Variants in FAM153A observed in about 807,000 individuals in gnomAD.
The protein encoded by FAM153A is family with sequence similarity 153 member A.
A neutral mutation model predicts 48.1 loss-of-function variants in FAM153A; 12 were observed. The ratio of observed to expected loss-of-function variants is 0.25; its 90% CI spans 0.16 to 0.40. FAM153A has a LOEUF of 0.40. Among genes scored for constraint, FAM153A ranks in the 10% least tolerant of loss-of-function variants. The probability of loss-of-function intolerance (pLI) is 1.00; values close to 1 mark genes in which losing one functional copy is unlikely to be tolerated. For missense variants in FAM153A, 111 were observed against 345.8 expected, an observed-to-expected ratio of 0.32 and a Z score of 5.38; for synonymous variants, 36 against 118.2, an observed-to-expected ratio of 0.30 and a Z score of 4.51.
At chr5:177,760,860 T>C (rs1768248212) in intron 1 of FAM153A, among the ~76,000 whole-genome samples, 1 of 121,584 alleles carries the variant, frequency 8.2e-6, no homozygotes, top group African/African-American at 3.2e-5. Flanking sequence ...TACAAGTGTG[T>C]TATTCCTGAT....
chr5:177,753,800 G>A (rs1263353921), upstream of FAM153A, among the ~76,000 whole-genome samples: 1 of 151,554 alleles, frequency 6.6e-6, no homozygotes, highest in Non-Finnish European at 1.5e-5. Flanking sequence ...CAAGTTTTAA[G>A]AACTATTAAA....
chr5:177,702,502 A>G, the FAM153A span, among the ~76,000 whole-genome samples: 1 of 151,966 alleles, frequency 6.6e-6, no homozygotes, highest in African/African-American at 2.4e-5. Flanking sequence ...TCAGGGGATG[A>G]ATTCAAGCAG....
chr5:177,730,230 G>A (rs1236972564), intron 16 of FAM153A, among the ~76,000 whole-genome samples: 1 of 115,562 alleles, frequency 8.7e-6, no homozygotes, highest in African/African-American at 2.8e-5. Context: ...GGGGAGCAGC[G>A]AGGGGGTGCG....
downstream of FAM153A, chr5:177,707,903 G>C (rs571583150): frequency 1.1e-4 from 17 of 152,088 alleles, no homozygotes; most frequent in African/African-American, 4.1e-4. Context: ...GGGCAGCAAT[G>C]TCTGTAACCA....
chr5:177,781,867 C>T (rs1378716898), upstream of FAM153A, among the ~76,000 whole-genome samples: 591 of 91,238 alleles, frequency 6.5e-3, 157 homozygotes, highest in African/African-American at 0.023. Context: ...TACAGGCGCC[C>T]GCCACCACGC....
intron 11 of FAM153A, 90 bp downstream of exon 13, chr5:177,736,952 C>T (rs1764760521): frequency 3.5e-6 from 4 of 1,130,066 alleles, no homozygotes; most frequent in Non-Finnish European, 4.8e-6. Context: ...CTATAGTGTA[C>T]ATGGTGAGAT....
At chr5:177,758,881 A>G (rs1165446324) in intron 1 of FAM153A, among the ~76,000 whole-genome samples, 1 of 150,916 alleles carries the variant, frequency 6.6e-6, no homozygotes, top group Non-Finnish European at 1.5e-5. Flanking sequence ...CCTAGAAGAA[A>G]ACCTAGGCAA....
intron 24 of FAM153A, chr5:177,716,548 A>G (rs1759831968): frequency 6.6e-6 from 1 of 151,828 alleles, no homozygotes; most frequent in Non-Finnish European, 1.5e-5. Flanking sequence ...TATCAGCGAG[A>G]AGGTGCCTGA....
the FAM153A span, among the ~76,000 whole-genome samples, chr5:177,695,798 A>G: frequency 6.6e-6 from 1 of 151,542 alleles, no homozygotes; most frequent in Admixed American, 6.6e-5. Context: ...CACCTCCCAG[A>G]TGGGGCGGCC....
chr5:177,695,692 T>C, the FAM153A span, among the ~76,000 whole-genome samples: 1 of 151,642 alleles, frequency 6.6e-6, no homozygotes, highest in African/African-American at 2.4e-5. Context: ...CTGATCTCTT[T>C]CTTTTCCCCA....
chr5:177,708,691 CT>C (rs1262600258), downstream of FAM153A, among the ~76,000 whole-genome samples: 2 of 151,974 alleles, frequency 1.3e-5, no homozygotes, highest in Admixed American at 1.3e-4. Context: ...TAAGTCTGAT[CT>C]TTTTTTAGTG....
rs1768949342 is a variant in FAM153A, at chr5:177,769,097, G to T, written c.-57+11352C>A. 3.4e-5 allele frequency among the ~76,000 whole-genome samples: 3 copies of T among 87,936 alleles called. 1 individual carries two copies. Among genetic ancestry groups the T allele is most frequent in the Non-Finnish European group, 6.9e-5 (3 of 43,420 alleles). 57.7% of individuals were successfully genotyped at this position (87,936 alleles called of 152,430 possible). ...AAAAAAAAAAAAATAGCCGGGCTTT[G>T]TGGCGGGTGCCTGTAGTCCCAGCTA... On this transcript the variant is annotated intron_variant, in intron 1 of 8. Transcript: ENST00000393518.
At chr5:177,778,745 C>A (rs1224532214) in intron 1 of FAM153A, among the ~76,000 whole-genome samples, 3 of 97,546 alleles carry the variant, frequency 3.1e-5, no homozygotes, top group Non-Finnish European at 6.4e-5. Context: ...CCACTGCACT[C>A]CAGTACTGGC....
chr5:177,778,005 A>G (rs865932520), intron 1 of FAM153A, among the ~76,000 whole-genome samples: 1 of 7,520 alleles, frequency 1.3e-4, no homozygotes, highest in Non-Finnish European at 2.2e-4. Context: ...GTAAACTATC[A>G]CAAGAACAAA....
At chr5:177,708,271 A>C (rs1758030809), downstream of FAM153A, among the ~76,000 whole-genome samples, 1 of 95,368 alleles carries the variant, frequency 1.0e-5, no homozygotes. Flanking sequence ...ATGACCAGGC[A>C]GCAGAGGTGC....
chr5:177,728,416 A>T (rs1763029971), intron 18 of FAM153A, among the ~76,000 whole-genome samples: 1 of 149,244 alleles, frequency 6.7e-6, no homozygotes, highest in African/African-American at 2.5e-5. Flanking sequence ...ACTCACAAAG[A>T]CATCCACAAT....
At chr5:177,783,082 C>G (rs1303992411), upstream of FAM153A, 50 of 96,624 alleles carry the variant, frequency 5.2e-4, no homozygotes, top group East Asian at 5.7e-3. Flanking sequence ...AGCCTGGCTT[C>G]GGCGCTGACG....
chr5:177,708,414 A>G (rs569546743), downstream of FAM153A, among the ~76,000 whole-genome samples: 14 of 151,764 alleles, frequency 9.2e-5, no homozygotes, highest in Non-Finnish European at 2.1e-4. Flanking sequence ...TGTCTCTACT[A>G]AAAATACAGA....
intron 1 of FAM153A, among the ~76,000 whole-genome samples, chr5:177,769,181 C>T (rs1200303978): frequency 2.0e-4 from 14 of 69,982 alleles, no homozygotes; most frequent in African/African-American, 4.4e-4. Context: ...TGCAGCGAGC[C>T]GAGATCACAG....
Sources: allele counts gnomAD v4.1 joint callset (sites outside exome capture counted in the v4.1 genomes callset), GRCh38; gene constraint gnomAD v4.1.1; transcripts MANE v1.5; gene names NCBI Gene and HGNC (gene_info 2026-07-23, HGNC 2026-07-21).